KCNU1: variants seen among roughly 807,000 people sequenced by gnomAD.
The protein encoded by KCNU1 is potassium calcium-activated channel subfamily U member 1, also known as potassium channel subfamily U member 1.
Under a neutral mutation model 126.8 loss-of-function variants are expected in KCNU1, and 93 were observed. The observed-to-expected ratio is 0.73, with a 90% CI of 0.62 to 0.87. KCNU1 has a LOEUF of 0.87. Among genes scored for constraint, KCNU1 ranks in the 40% least tolerant of loss-of-function variants. KCNU1 has a pLI of 0.00. For synonymous variants in KCNU1, 523 were observed against 494.2 expected (o/e 1.06, Z -0.77); for missense variants, 1,330 against 1,367.1 (o/e 0.97, Z 0.43).
Position 36,824,083 on chromosome 8 carries a change from C to A in KCNU1, c.1106+6323C>A, listed in dbSNP as rs568801104. Among the ~76,000 whole-genome samples, 3 of 152,192 alleles carry A rather than the reference C, an allele frequency of 2.0e-5. No homozygotes were observed. In the East Asian group the frequency reaches 5.8e-4, roughly 29 times the overall value. ...AACTCCTGACCTCAGGTGATCCACC[C>A]GCCTCTACCTCCCAAAGTACTGGGA... On this transcript the variant is annotated intron_variant, in intron 10 of 26. Transcript: ENST00000399881.
intron 21 of KCNU1, among the ~76,000 whole-genome samples, chr8:36,910,314 A>T (rs888950392): frequency 6.6e-6 from 1 of 152,226 alleles, no homozygotes; most frequent in African/African-American, 2.4e-5. Context: ...TTGCTTTTTT[A>T]AAAAGCCACT....
At chr8:36,803,457 T>C (rs1038829621) in intron 2 of KCNU1, among the ~76,000 whole-genome samples, 23 of 152,016 alleles carry the variant, frequency 1.5e-4, no homozygotes. Flanking sequence ...TTCCCCGAGA[T>C]ACCCTATTTT....
rs148465440 is a variant in KCNU1 at position 36,806,686 on chromosome 8, C to T, written c.580+306C>T. 6.1e-3 allele frequency among the ~76,000 whole-genome samples: 926 copies of T among 152,230 alleles called. 5 individuals carry two copies. The highest frequency in any genetic ancestry group is 0.031 in the Middle Eastern group (9 of 294). On this transcript the variant is annotated intron_variant, in intron 5 of 26. Transcript: ENST00000399881. ...CCTTTATGCTGGGATCCCACAGGAG[C>T]TGGGGGAGATGAAAAACCTCCCTTT...
chr8:36,844,402 G>T lies in KCNU1; in HGVS notation c.1704-1178G>T, dbSNP rs542960156. On this transcript the variant is annotated intron_variant, in intron 16 of 26. Transcript: ENST00000399881. ...TCTCAAAAAAAAACAAAAAAAAAAG[G>T]CTATGTAAGACACAACTAAGCATGC... 1.1e-4 allele frequency among the ~76,000 whole-genome samples: 17 copies of T among 151,906 alleles called. No individual in the cohort carries two copies. In the South Asian group the frequency reaches 3.1e-3, roughly 28 times the overall value.
intron 18 of KCNU1, among the ~76,000 whole-genome samples, chr8:36,847,528 A>T (rs1289170090): frequency 1.3e-5 from 2 of 152,056 alleles, no homozygotes; most frequent in Non-Finnish European, 1.5e-5. Flanking sequence ...TCCTTTAATA[A>T]CCACAAGTCG....
intron 2 of KCNU1, among the ~76,000 whole-genome samples, chr8:36,798,063 A>T (rs1290123051): frequency 6.6e-6 from 1 of 152,136 alleles, no homozygotes; most frequent in East Asian, 1.9e-4. Flanking sequence ...CCACCTACTC[A>T]ACAGATTTTT....
At chr8:36,875,217 TG>T (rs1806236441) in intron 19 of KCNU1, among the ~76,000 whole-genome samples, 1 of 151,750 alleles carries the variant, frequency 6.6e-6, no homozygotes, top group African/African-American at 2.4e-5. Context: ...GTGCATATAT[TG>T]CAGATAAATT....
At chr8:36,866,731 A>C (rs1026724572) in intron 19 of KCNU1, among the ~76,000 whole-genome samples, 1 of 152,176 alleles carries the variant, frequency 6.6e-6, no homozygotes, top group Non-Finnish European at 1.5e-5. Context: ...CATGCTGTCT[A>C]GATGGGTGAA....
At chr8:36,827,124 CAG>C (rs1472284380) in intron 10 of KCNU1, among the ~76,000 whole-genome samples, 1 of 152,148 alleles carries the variant, frequency 6.6e-6, no homozygotes, top group Non-Finnish European at 1.5e-5. Flanking sequence ...TTAACTTAGA[CAG>C]ATGATGTTAC....
chr8:36,841,034 G>GTTTTTTTTTTTTTTTTTTTTTTTT, intron 16 of KCNU1, 31 bp downstream of exon 16: 2 of 562,564 alleles, frequency 3.6e-6, no homozygotes, highest in Non-Finnish European at 2.8e-6. Flanking sequence ...CTCTTCAGTT[G>GTTTTTTTTTTTTTTTTTTTTTTTT]TTTTTTTTTT....
chr8:36,860,069 A>G (rs1331299398), intron 18 of KCNU1, among the ~76,000 whole-genome samples: 6 of 138,270 alleles, frequency 4.3e-5, no homozygotes, highest in Admixed American at 3.1e-4. Context: ...ACTTATTTTA[A>G]CCCATTACCT....
chr8:36,933,710 AG>A (rs2117621407), intron 26 of KCNU1, among the ~76,000 whole-genome samples: 1 of 152,260 alleles, frequency 6.6e-6, no homozygotes, highest in South Asian at 2.1e-4. Flanking sequence ...AGAAAGGAGA[AG>A]GAAGCCAAAT....
intron 20 of KCNU1, 75 bp downstream of exon 20, chr8:36,905,879 T>C (rs1807607289): frequency 2.8e-6 from 2 of 704,572 alleles, no homozygotes; most frequent in African/African-American, 1.9e-5. Context: ...TTGTTAGTCA[T>C]AAGCACCTGT....
At chr8:36,895,790 G>C (rs1287843938) in intron 19 of KCNU1, among the ~76,000 whole-genome samples, 1 of 152,058 alleles carries the variant, frequency 6.6e-6, no homozygotes, top group African/African-American at 2.4e-5. Context: ...CAATGCAACT[G>C]AGAAGTTTCT....
In KCNU1 at chr8:36,836,839, A is replaced by G; in HGVS notation, c.1412A>G (p.Asn471Ser). 1.2e-6 allele frequency: 2 copies of G among 1,613,876 alleles called. No individual in the cohort carries two copies. The highest frequency in any genetic ancestry group is 1.7e-6 in the Non-Finnish European group (2 of 1,179,798). Residue 471 changes from asparagine to serine, a missense_variant, in exon 14 of 27, where the codon AAC becomes AGC. Physicochemically the swap from Asn to Ser is conservative, Grantham distance 46 (BLOSUM62 1). Coordinates refer to ENST00000399881, the MANE Select transcript of KCNU1 (RefSeq NM_001031836.3). The part of the protein sequence containing the change: ...IPSWNWDTGD[N>S]IICFAELKLG... Reference sequence around the variant, plus strand: ...AGCTGGAACTGGGACACCGGAGACAACATCATCTGCTTTGCTGAATTAAAA... The same window carrying G: ...AGCTGGAACTGGGACACCGGAGACAGCATCATCTGCTTTGCTGAATTAAAA...
chr8:36,845,713 A>G (rs1347265114), intron 17 of KCNU1, 44 bp downstream of exon 17: 1 of 1,460,630 alleles, frequency 6.8e-7, no homozygotes. Flanking sequence ...AAGCAACTAC[A>G]GCTTAATGGG....
chr8:36,884,722 G>T (rs1806627515), intron 19 of KCNU1, among the ~76,000 whole-genome samples: 1 of 151,556 alleles, frequency 6.6e-6, no homozygotes, highest in African/African-American at 2.4e-5. Flanking sequence ...ACAGAGCCTG[G>T]GTAACAGAGT....
chr8:36,859,409 A>G (rs769059097), intron 18 of KCNU1, among the ~76,000 whole-genome samples: 3 of 152,168 alleles, frequency 2.0e-5, no homozygotes, highest in Non-Finnish European at 4.4e-5. Context: ...TAATGAATTC[A>G]TTAAATTTCC....
At chr8:36,818,449 G>A (rs955641087) in intron 10 of KCNU1, among the ~76,000 whole-genome samples, 1 of 151,798 alleles carries the variant, frequency 6.6e-6, no homozygotes, top group Admixed American at 6.6e-5. Flanking sequence ...GCCATTTCCT[G>A]TTATATGTTA....
Sources: allele counts gnomAD v4.1 joint callset (sites outside exome capture counted in the v4.1 genomes callset), GRCh38; gene constraint gnomAD v4.1.1; transcripts MANE v1.5; gene names NCBI Gene and HGNC (gene_info 2026-07-23, HGNC 2026-07-21).